ADAM18: variants seen among roughly 807,000 people sequenced by gnomAD.
The protein encoded by ADAM18 is ADAM metallopeptidase domain 18, also known as disintegrin and metalloproteinase domain-containing protein 18.
ADAM18 carries 117 observed loss-of-function variants against 94.4 expected under a neutral mutation model. The ratio of observed to expected loss-of-function variants is 1.24; its 90% confidence interval spans 1.07 to 1.45. The LOEUF (loss-of-function observed/expected upper bound fraction) is 1.45, where lower values mean the gene tolerates loss of function less well. ADAM18 is among the 40% of genes most tolerant of loss of function. The pLI is 0.00. For synonymous variants in ADAM18, 327 were observed against 291.6 expected (o/e 1.12, Z -1.24); for missense variants, 936 against 880.0 (o/e 1.06, Z -0.81).
At chr8:39,611,036 A>G in intron 6 of ADAM18, 2 of 1,067,706 alleles carry the variant, frequency 1.9e-6, no homozygotes, top group African/African-American at 1.7e-5. Flanking sequence ...TTTGTTATAT[A>G]TCTTACATAC....
chr8:39,647,585 G>A (rs1191725345), intron 11 of ADAM18, among the ~76,000 whole-genome samples: 3 of 152,242 alleles, frequency 2.0e-5, no homozygotes, highest in South Asian at 4.1e-4. Context: ...GCTGGGGGAC[G>A]GTCAGGTCTT....
chr8:39,610,126 G>T (rs1049104286), intron 5 of ADAM18, among the ~76,000 whole-genome samples: 2 of 152,050 alleles, frequency 1.3e-5, no homozygotes, highest in Admixed American at 6.6e-5. Flanking sequence ...TCAGAAACTT[G>T]GCATTCTCTG....
At chr8:39,663,347 G>T (rs1288834780) in intron 12 of ADAM18, among the ~76,000 whole-genome samples, 3 of 150,096 alleles carry the variant, frequency 2.0e-5, no homozygotes, top group Non-Finnish European at 4.4e-5. Context: ...CTAGCACTTT[G>T]TGAGGCTGAG....
intron 19 of ADAM18, among the ~76,000 whole-genome samples, chr8:39,725,921 C>A (rs543387210): frequency 6.6e-6 from 1 of 152,100 alleles, no homozygotes; most frequent in Non-Finnish European, 1.5e-5. Context: ...TTATGAAGAA[C>A]CGTCATACTG....
chr8:39,587,047 C>A (rs369078219), intron 2 of ADAM18, among the ~76,000 whole-genome samples: 23 of 152,036 alleles, frequency 1.5e-4, no homozygotes, highest in African/African-American at 5.3e-4. Context: ...GTATTATTTT[C>A]ATGTTTTTAA....
At chr8:39,650,065 TGTTA>T (rs918492796) in intron 12 of ADAM18, among the ~76,000 whole-genome samples, 5 of 152,190 alleles carry the variant, frequency 3.3e-5, no homozygotes, top group Non-Finnish European at 7.3e-5. Context: ...AGAAAACGTT[TGTTA>T]ATCAAAAGGG....
chr8:39,689,926 T>C (rs1821723359), intron 16 of ADAM18, among the ~76,000 whole-genome samples: 1 of 152,218 alleles, frequency 6.6e-6, no homozygotes, highest in Non-Finnish European at 1.5e-5. Flanking sequence ...CCTAGTTCGC[T>C]GTATTCCTAG....
intron 3 of ADAM18, among the ~76,000 whole-genome samples, chr8:39,607,469 A>C (rs1446947657): frequency 6.6e-6 from 1 of 152,146 alleles, no homozygotes; most frequent in East Asian, 1.9e-4. Flanking sequence ...TACCCTACTT[A>C]ATTCACGTTT....
intron 16 of ADAM18, among the ~76,000 whole-genome samples, chr8:39,687,983 A>G (rs1261911723): frequency 6.6e-6 from 1 of 152,196 alleles, no homozygotes; most frequent in African/African-American, 2.4e-5. Context: ...TTGGATGTAT[A>G]TCAATAGTGG....
chr8:39,611,116 A>C, intron 6 of ADAM18: 4 of 990,468 alleles, frequency 4.0e-6, no homozygotes, highest in Non-Finnish European at 4.8e-6. Flanking sequence ...TTGCTGGTAG[A>C]CTAGGTATAG....
Position 39,668,047 on chromosome 8 carries a change from A to T in ADAM18, c.1376A>T (p.Asp459Val). 1 of 1,614,114 alleles carries T rather than the reference A, an allele frequency of 6.2e-7. No individual in the cohort carries two copies. Among genetic ancestry groups the T allele is most frequent in the East Asian group, 2.2e-5 (1 of 44,868 alleles). Residue 459 changes from aspartate to valine, a missense_variant, in exon 14 of 20, where the codon GAT becomes GTT. By Grantham distance (152) the Asp-to-Val change is radical. Transcript: ENST00000265707. ...AGAAAGAGTATTGATCCAGAGTGTG[A>T]TTTTACAGAGTACTGCAATGGAACC... The part of the protein sequence containing the change: ...PCRKSIDPEC[D>V]FTEYCNGTSS...
intron 18 of ADAM18, among the ~76,000 whole-genome samples, chr8:39,717,347 TAA>T (rs1822609051): frequency 1.3e-5 from 2 of 151,912 alleles, no homozygotes; most frequent in Non-Finnish European, 2.9e-5. Context: ...ACAGTAAAAT[TAA>T]AAGTGATTTA....
chr8:39,595,969 T>C (rs1208656540), intron 2 of ADAM18, among the ~76,000 whole-genome samples: 1 of 152,250 alleles, frequency 6.6e-6, no homozygotes, highest in Non-Finnish European at 1.5e-5. Context: ...AATGAGGCTA[T>C]TCCATTTTGG....
At chr8:39,689,069 T>A (rs1035353978) in intron 16 of ADAM18, among the ~76,000 whole-genome samples, 2 of 152,196 alleles carry the variant, frequency 1.3e-5, no homozygotes, top group African/African-American at 4.8e-5. Context: ...TTTTTTCTTG[T>A]AACTTTGTTT....
chr8:39,644,671 G>T lies in ADAM18; in HGVS notation c.910-667G>T, dbSNP rs191037153. On this transcript the variant is annotated intron_variant, in intron 10 of 19. Transcript: ENST00000265707. ...CTTTAGTCATTATACACAACTTTTC[G>T]GTAGGTCCACATTCCAGCCCCCTAT... Among the ~76,000 whole-genome samples, 219 of 152,052 alleles carry T rather than the reference G, an allele frequency of 1.4e-3. 8 individuals are homozygous for T. The highest frequency in any genetic ancestry group is 0.014 in the Admixed American group (218 of 15,236).
chr8:39,677,520 T>C lies in ADAM18; in HGVS notation c.1615T>C (p.Leu539=). 6.2e-7 allele frequency: 1 copy of C among 1,604,022 alleles called. No homozygotes were observed. Among genetic ancestry groups the C allele is most frequent in the Middle Eastern group, 1.7e-4 (1 of 5,980 alleles). ...CTGTGGTTTTAAAAATTCACAACCA[T>C]TACCTTGTGAACGGAAGTACGTATG... ...ENCGFKNSQP[L]PCERKDVLCG... is the part of the protein sequence containing the mutation. Residue 539 remains leucine, a synonymous_variant, in exon 15 of 20, where the codon TTA becomes CTA. Coordinates refer to ENST00000265707, the MANE Select transcript of ADAM18 (RefSeq NM_014237.3).
intron 2 of ADAM18, among the ~76,000 whole-genome samples, chr8:39,588,237 T>G (rs962661397): frequency 1.3e-5 from 2 of 152,008 alleles, no homozygotes; most frequent in Non-Finnish European, 2.9e-5. Context: ...GGTTTTTTTT[T>G]TTTTTTTTAA....
intron 11 of ADAM18, among the ~76,000 whole-genome samples, chr8:39,646,237 G>A (rs1385680381): frequency 6.6e-6 from 1 of 152,010 alleles, no homozygotes; most frequent in Non-Finnish European, 1.5e-5. Context: ...CTATAGTGCT[G>A]TCTAATACAT....
chr8:39,625,152 T>A (rs565162128), intron 6 of ADAM18, among the ~76,000 whole-genome samples: 126 of 152,358 alleles, frequency 8.3e-4, no homozygotes, highest in Non-Finnish European at 1.4e-3. Flanking sequence ...ATTTTCACAA[T>A]GTTGATTCTT....
Sources: allele counts gnomAD v4.1 joint callset (sites outside exome capture counted in the v4.1 genomes callset), GRCh38; gene constraint gnomAD v4.1.1; transcripts MANE v1.5; gene names NCBI Gene and HGNC (gene_info 2026-07-23, HGNC 2026-07-21).